Variants in FRMPD1 observed in about 807,000 individuals in gnomAD.
The protein encoded by FRMPD1 is FERM and PDZ domain containing 1.
Under a neutral mutation model 117.8 loss-of-function variants are expected in FRMPD1, and 76 were observed. That is an observed-to-expected ratio of 0.65 (90% CI 0.54 to 0.78). The LOEUF (loss-of-function observed/expected upper bound fraction) is 0.78, where lower values mean the gene tolerates loss of function less well. Among genes scored for constraint, FRMPD1 ranks in the 30% least tolerant of loss-of-function variants. The probability of loss-of-function intolerance (pLI) is 0.00; values close to 1 mark genes in which losing one functional copy is unlikely to be tolerated. For missense variants in FRMPD1, 1,786 were observed against 1,964.5 expected (o/e 0.91, Z 1.72); for synonymous variants, 783 against 770.4 (o/e 1.02, Z -0.27).
At chr9:37,655,783 A>C (rs1215060467) in intron 1 of FRMPD1, among the ~76,000 whole-genome samples, 1 of 151,968 alleles carries the variant, frequency 6.6e-6, no homozygotes, top group Non-Finnish European at 1.5e-5. Context: ...GATTACAGGC[A>C]TGAGTCCCCG....
chr9:37,654,567 G>A (rs1820783055), intron 1 of FRMPD1, among the ~76,000 whole-genome samples: 1 of 152,232 alleles, frequency 6.6e-6, no homozygotes, highest in Non-Finnish European at 1.5e-5. Flanking sequence ...CTCCTTGAGA[G>A]GGTTGTTGGA....
the FRMPD1 span, among the ~76,000 whole-genome samples, chr9:37,626,277 C>T: frequency 1.3e-5 from 2 of 151,698 alleles, no homozygotes; most frequent in Admixed American, 1.3e-4. Flanking sequence ...TGCAGTGAGT[C>T]GAGATCGCGC....
At position 37,746,268 on chromosome 9, in the gene FRMPD1, A is replaced by G; in HGVS notation, c.4236A>G (p.Lys1412=). 1 of 1,612,848 alleles carries G rather than the reference A, an allele frequency of 6.2e-7. No homozygotes were observed. The highest frequency in any genetic ancestry group is 8.5e-7 in the Non-Finnish European group (1 of 1,179,840). Residue 1412 remains lysine (K), a synonymous_variant, in exon 16 of 16, where the codon AAA becomes AAG. Transcript: ENST00000377765. ...EYCSRALRQL[K]ATPASTPEGF... Reference sequence around the variant, plus strand: ...GCTCCAGGGCACTGAGACAGCTGAAAGCCACCCCTGCCAGCACCCCTGAGG... The same window carrying G: ...GCTCCAGGGCACTGAGACAGCTGAAGGCCACCCCTGCCAGCACCCCTGAGG...
In FRMPD1 at chr9:37,675,609, A is replaced by C. The variant is rs190018665; in HGVS notation, c.-4-17029A>C. Among the ~76,000 whole-genome samples, 4 of 151,924 alleles carry C rather than the reference A, an allele frequency of 2.6e-5. No individual in the cohort carries two copies. The East Asian group carries it at 7.8e-4, about 29-fold the overall frequency. On this transcript the variant is annotated intron_variant, in intron 1 of 15. Coordinates refer to ENST00000377765, the MANE Select transcript of FRMPD1 (RefSeq NM_014907.3). ...GGTTCTGGGCTTGGGAAGTGGGGAG[A>C]GTAGGGTGTTTAATGGTGCTCATGA...
chr9:37,669,355 C>T (rs10973477), intron 1 of FRMPD1, among the ~76,000 whole-genome samples: 14,522 of 152,194 alleles, frequency 0.095, 989 homozygotes, highest in African/African-American at 0.19. Context: ...CTCCGAGAGC[C>T]TGTGAGAAAT....
intron 1 of FRMPD1, among the ~76,000 whole-genome samples, chr9:37,675,476 A>T (rs1267549184): frequency 6.6e-6 from 1 of 151,166 alleles, no homozygotes; most frequent in African/African-American, 2.4e-5. Flanking sequence ...GGTGGTGGGG[A>T]TAGAAAGAAG....
At position 37,736,148 on chromosome 9, in the gene FRMPD1, C is replaced by T. The variant is rs1156592030; in HGVS notation, c.1401+414C>T. ...CCCAAGTAGCTGGGACTACAGGCGCCCACCACCATGCCCGGCTAATGTTTT... is the reference window on the plus strand; with the variant it reads ...CCCAAGTAGCTGGGACTACAGGCGCTCACCACCATGCCCGGCTAATGTTTT... On this transcript the variant is annotated intron_variant, in intron 13 of 15. Coordinates refer to ENST00000377765, the MANE Select transcript of FRMPD1 (RefSeq NM_014907.3). Among the ~76,000 whole-genome samples the T allele has an allele frequency of 2.0e-5, 3 of 151,844 alleles. No individual in the cohort carries two copies. In the East Asian group the frequency reaches 5.9e-4, roughly 30 times the overall value.
At chr9:37,634,892 C>G in the FRMPD1 span, among the ~76,000 whole-genome samples, 1,307 of 152,082 alleles carry the variant, frequency 8.6e-3, 19 homozygotes, top group African/African-American at 0.03. Context: ...CCCCCAATCC[C>G]CCAACAGGCC....
intron 8 of FRMPD1, among the ~76,000 whole-genome samples, chr9:37,730,659 G>T (rs965797749): frequency 6.6e-6 from 1 of 152,160 alleles, no homozygotes; most frequent in African/African-American, 2.4e-5. Context: ...GAAGATAAAA[G>T]AATAGACTTA....
In FRMPD1 at chr9:37,733,560, C is replaced by T; in HGVS notation, c.1083C>T (p.His361=). 1 of 1,613,992 alleles carries T rather than the reference C, an allele frequency of 6.2e-7. No homozygotes were observed. The highest frequency in any genetic ancestry group is 8.5e-7 in the Non-Finnish European group (1 of 1,179,872). The change falls in exon 11 of 16, where the codon CAC becomes CAT. Residue 361 remains histidine (H), a synonymous_variant. Coordinates refer to ENST00000377765, the MANE Select transcript of FRMPD1 (RefSeq NM_014907.3). ...ACATCAAGAAAGCCATTAGCTTCCA[C>T]ATGAAGAGGAACCAGAATTTGCTGG... ...GKDIKKAISF[H]MKRNQNLLEP...
chr9:37,707,333 C>T lies in FRMPD1; in HGVS notation c.102-83C>T, dbSNP rs527758490. 8 of 1,137,006 alleles carry T rather than the reference C, an allele frequency of 7.0e-6. No individual in the cohort carries two copies. The African/African-American group carries it at 1.2e-4, about 17-fold the overall frequency. 70.4% of individuals were successfully genotyped at this position (1,137,006 alleles called of 1,614,324 possible). On this transcript the variant is annotated intron_variant, in intron 2 of 15. Coordinates refer to ENST00000377765, the MANE Select transcript of FRMPD1 (RefSeq NM_014907.3). ...TGTCTGCTCAGTTCTGCATCTTTCT[C>T]CATGATGCTTAGGGCTGACCCAGTT...
At position 37,718,897 on chromosome 9, in the gene FRMPD1, G is replaced by C. The variant is rs41305325; in HGVS notation, c.409-172G>C. Among the ~76,000 whole-genome samples the C allele has an allele frequency of 1.0e-2, 1,518 of 152,250 alleles. 13 individuals are homozygous for C. The highest frequency in any genetic ancestry group is 0.016 in the Non-Finnish European group (1,096 of 68,018). On this transcript the variant is annotated intron_variant, in intron 5 of 15. Transcript: ENST00000377765. Reference sequence around the variant, plus strand: ...GGTACACGAGAACATTATCTGGCTTGGGATCCCTAGATTTTATGAAAATAC... The same window carrying C: ...GGTACACGAGAACATTATCTGGCTTCGGATCCCTAGATTTTATGAAAATAC...
chr9:37,724,352 A>G, intron 7 of FRMPD1, 32 bp downstream of exon 7: 1 of 1,189,674 alleles, frequency 8.4e-7, no homozygotes, highest in Non-Finnish European at 1.3e-6. Flanking sequence ...TTCTTTTCCC[A>G]AGAAGAATGT....
intron 15 of FRMPD1, among the ~76,000 whole-genome samples, chr9:37,743,838 C>T (rs1209935631): frequency 6.6e-6 from 1 of 150,926 alleles, no homozygotes; most frequent in African/African-American, 2.4e-5. Flanking sequence ...TTCAAGGCTG[C>T]TGTGAGCCGT....
At position 37,735,661 on chromosome 9, in the gene FRMPD1, A is replaced by G. The variant is rs1824085786; in HGVS notation, c.1328A>G (p.Asn443Ser). 6.2e-7 allele frequency: 1 copy of G among 1,614,092 alleles called. No homozygotes were observed. The highest frequency in any genetic ancestry group is 8.5e-7 in the Non-Finnish European group (1 of 1,179,956). Reference sequence around the variant, plus strand: ...ATGTCCACATTGGCAGAGTTTGCAAACATCAGCCGTGTAGAGCTAACGGAA... The same window carrying G: ...ATGTCCACATTGGCAGAGTTTGCAAGCATCAGCCGTGTAGAGCTAACGGAA... ...NIMSTLAEFANISRVELTEES... is the reference protein window; with the variant it reads ...NIMSTLAEFASISRVELTEES... The change falls in exon 13 of 16, where the codon AAC (asparagine) becomes AGC (serine). Residue 443 changes from asparagine (N) to serine (S), a missense_variant. Asn to Ser is a conservative substitution (Grantham distance 46). Transcript: ENST00000377765.
the FRMPD1 span, among the ~76,000 whole-genome samples, chr9:37,617,508 A>C: frequency 6.6e-6 from 1 of 152,248 alleles, no homozygotes; most frequent in Non-Finnish European, 1.5e-5. Context: ...AAATATGCTA[A>C]TGTAGGTACA....
chr9:37,641,322 C>G, the FRMPD1 span, among the ~76,000 whole-genome samples: 4 of 152,360 alleles, frequency 2.6e-5, no homozygotes, highest in South Asian at 2.1e-4. Flanking sequence ...GTGTCAAGAT[C>G]TGGGAGTTTC....
At chr9:37,603,492 C>G in the FRMPD1 span, among the ~76,000 whole-genome samples, 1 of 152,130 alleles carries the variant, frequency 6.6e-6, no homozygotes, top group Non-Finnish European at 1.5e-5. Context: ...CACAATAGTT[C>G]GACCGCTGTG....
At chr9:37,667,358 G>T (rs1184706796) in intron 1 of FRMPD1, among the ~76,000 whole-genome samples, 1 of 150,876 alleles carries the variant, frequency 6.6e-6, no homozygotes, top group Admixed American at 6.6e-5. Flanking sequence ...GAGCCACTGT[G>T]CCAGGCCTGA....
Sources: allele counts gnomAD v4.1 joint callset (sites outside exome capture counted in the v4.1 genomes callset), GRCh38; gene constraint gnomAD v4.1.1; transcripts MANE v1.5; gene names NCBI Gene and HGNC (gene_info 2026-07-23, HGNC 2026-07-21).